The following APBA1 variants were observed in gnomAD, a reference collection of about 807,000 sequenced individuals.
The protein encoded by APBA1 is amyloid-beta A4 precursor protein-binding family A member 1.
Under a neutral mutation model 86.6 loss-of-function variants are expected in APBA1, and 55 were observed. The ratio of observed to expected loss-of-function variants is 0.64; its 90% confidence interval spans 0.51 to 0.80. The LOEUF (loss-of-function observed/expected upper bound fraction) is 0.80, where lower values mean the gene tolerates loss of function less well. APBA1 is among the 30% of genes least tolerant of loss of function. APBA1 has a pLI of 0.00. For missense variants in APBA1, 1,090 were observed against 1,183.0 expected, an observed-to-expected ratio of 0.92 and a Z score of 1.15; for synonymous variants, 511 against 493.9, an observed-to-expected ratio of 1.03 and a Z score of -0.46.
At chr9:69,643,543 T>G (rs955647571) in intron 1 of APBA1, among the ~76,000 whole-genome samples, 3 of 152,224 alleles carry the variant, frequency 2.0e-5, no homozygotes, top group Non-Finnish European at 4.4e-5. Context: ...TTTTCCTCTA[T>G]GTCTGCCTCA....
At chr9:69,619,849 C>G (rs1431804409) in intron 1 of APBA1, among the ~76,000 whole-genome samples, 2 of 152,214 alleles carry the variant, frequency 1.3e-5, no homozygotes, top group African/African-American at 4.8e-5. Flanking sequence ...GATGCACATA[C>G]ACACACATTA....
chr9:69,591,961 T>C lies in APBA1; in HGVS notation c.-69-74682A>G, dbSNP rs568229552. 2.6e-5 allele frequency among the ~76,000 whole-genome samples: 4 copies of C among 152,290 alleles called. No individual in the cohort carries two copies. In the East Asian group the frequency reaches 7.7e-4, roughly 29 times the overall value. On this transcript the variant is annotated intron_variant, in intron 1 of 12. Transcript: ENST00000265381. ...AAGTCTGTTTTCTCCCCTAAATATA[T>C]CTATCCAACATCAACAAACCAGGTC...
Position 69,516,762 on chromosome 9 carries a change from A to G in APBA1, c.449T>C (p.Leu150Pro). The stretch of plus-strand genomic sequence containing the variant: ...CTCGTGCTCCAGCGAGTGGAAGTGC[A>G]GGTGGTTGGGCAGCGCGCGGCGGTG... The part of the protein sequence containing the change: ...ATHRRALPNH[L>P]HFHSLEHEEA... Residue 150 changes from leucine (L) to proline (P), a missense_variant, in exon 2 of 13, where the codon CTG becomes CCG. By Grantham distance (98) the Leu-to-Pro change is moderately conservative. This residue lies in a region of APBA1 where 678 missense variants were observed against 647.1 expected (regional missense o/e 1.05). Coordinates refer to ENST00000265381, the MANE Select transcript of APBA1 (RefSeq NM_001163.4). This position sits in a 1 kb window ranked among gnomAD's most constrained non-coding sequence, Gnocchi z 7.3. The G allele has an allele frequency of 6.2e-7, 1 of 1,611,874 alleles. No homozygotes were observed. Among genetic ancestry groups the G allele is most frequent in the Non-Finnish European group, 8.5e-7 (1 of 1,179,484 alleles).
At chr9:69,486,755 C>G (rs941799846) in intron 2 of APBA1, among the ~76,000 whole-genome samples, 1 of 151,968 alleles carries the variant, frequency 6.6e-6, no homozygotes, top group South Asian at 2.1e-4. Context: ...GGCTGCGGAG[C>G]CGGGCTGGGA....
chr9:69,525,525 G>A (rs1286261535), intron 1 of APBA1, among the ~76,000 whole-genome samples: 1 of 150,466 alleles, frequency 6.6e-6, no homozygotes, highest in Non-Finnish European at 1.5e-5. Context: ...ATACATCTAA[G>A]CAAAGAGAAT....
intron 10 of APBA1, among the ~76,000 whole-genome samples, chr9:69,442,714 T>G (rs1324161188): frequency 1.3e-5 from 2 of 152,246 alleles, no homozygotes; most frequent in African/African-American, 2.4e-5. Context: ...ATCGTCTGCC[T>G]CTTATTCTAT....
chr9:69,634,680 C>A (rs1823120738), intron 1 of APBA1, among the ~76,000 whole-genome samples: 2 of 152,066 alleles, frequency 1.3e-5, no homozygotes, highest in South Asian at 2.1e-4. Flanking sequence ...ATATAATAAT[C>A]AAACTCCCAA....
Position 69,466,509 on chromosome 9 carries a change from C to T in APBA1, c.1482+1314G>A, listed in dbSNP as rs547624533. On this transcript the variant is annotated intron_variant, in intron 5 of 12. Transcript: ENST00000265381. The stretch of plus-strand genomic sequence containing the variant: ...GGTCAGAGGTGTTCGCATCTGCAGG[C>T]TTCCCCTGCACTCTGGTGGCACTCG... Among the ~76,000 whole-genome samples, 64 of 152,338 alleles carry T rather than the reference C, an allele frequency of 4.2e-4. No individual in the cohort carries two copies. In the South Asian group the frequency reaches 0.012, roughly 28 times the overall value.
intron 2 of APBA1, among the ~76,000 whole-genome samples, chr9:69,511,099 G>A (rs1199137490): frequency 6.6e-6 from 1 of 151,982 alleles, no homozygotes; most frequent in African/African-American, 2.4e-5. Flanking sequence ...AAGAGCTTCT[G>A]CACAGCAAAA....
intron 1 of APBA1, among the ~76,000 whole-genome samples, chr9:69,629,166 A>C (rs143424687): frequency 6.6e-6 from 1 of 152,260 alleles, no homozygotes; most frequent in East Asian, 1.9e-4. Context: ...ATATCCAATA[A>C]ATGTTCAGGA....
At chr9:69,594,194 A>G (rs1246943132) in intron 1 of APBA1, among the ~76,000 whole-genome samples, 1 of 152,088 alleles carries the variant, frequency 6.6e-6, no homozygotes, top group East Asian at 1.9e-4. Flanking sequence ...GCAGCAACAG[A>G]CAAGAGCCAT....
At chr9:69,542,728 G>T (rs1251024073) in intron 1 of APBA1, among the ~76,000 whole-genome samples, 1 of 152,166 alleles carries the variant, frequency 6.6e-6, no homozygotes. Context: ...CAAAATTATA[G>T]AATTTTAATT....
At position 69,658,240 on chromosome 9, in the gene APBA1, C is replaced by CT. The variant is rs1366029678; in HGVS notation, c.-70+13912dup. Among the ~76,000 whole-genome samples the CT allele has an allele frequency of 2.5e-3, 48 of 19,066 alleles. 2 individuals are homozygous for CT. The Admixed American group carries it at 0.038, about 15-fold the overall frequency. 12.5% of individuals were successfully genotyped at this position (19,066 alleles called of 152,430 possible). A position where few individuals can be genotyped will look rare whatever the true frequency, so the allele number is the denominator to read the frequency against. On this transcript the variant is annotated intron_variant, in intron 1 of 12. Transcript: ENST00000265381. The stretch of plus-strand genomic sequence containing the variant: ...CCTTTCTCTCTTTCTTTCTTTCTTT[C>CT]TTTCTTTCTTTCTTTCTTTCTTTCT...
In APBA1 at chr9:69,428,707, T is replaced by G. The variant is rs963807749; in HGVS notation, c.*2620A>C. ...GAAGACCACCACTTCTCTTGGGACT[T>G]TCAAAAAATCTAGCGACTTGCTTTT... On this transcript the variant is annotated 3_prime_UTR_variant, in exon 13 of 13. Coordinates refer to ENST00000265381, the MANE Select transcript of APBA1 (RefSeq NM_001163.4). 2 of 152,222 alleles carry G rather than the reference T, an allele frequency of 1.3e-5. No homozygotes were observed. Among genetic ancestry groups the G allele is most frequent in the African/African-American group, 4.8e-5 (2 of 41,448 alleles). The allele number at this position is 152,222 out of a possible 1,614,324, so 9.4% of individuals were successfully genotyped here. A position where few individuals can be genotyped will look rare whatever the true frequency, so the allele number is the denominator to read the frequency against.
chr9:69,625,466 C>A (rs1822908788), intron 1 of APBA1, among the ~76,000 whole-genome samples: 1 of 152,146 alleles, frequency 6.6e-6, no homozygotes, highest in Non-Finnish European at 1.5e-5. Flanking sequence ...CTGAGCATTG[C>A]AGCATCCCTT....
At chr9:69,526,749 T>C (rs981889879) in intron 1 of APBA1, among the ~76,000 whole-genome samples, 1 of 152,094 alleles carries the variant, frequency 6.6e-6, no homozygotes, top group African/African-American at 2.4e-5. Context: ...AATATTGTTC[T>C]ACCAAAAAGG....
At chr9:69,658,720 C>T (rs991631697) in intron 1 of APBA1, among the ~76,000 whole-genome samples, 6 of 152,028 alleles carry the variant, frequency 3.9e-5, no homozygotes, top group African/African-American at 1.2e-4. Flanking sequence ...TCCCTACTTT[C>T]AATGTGCTTT....
At chr9:69,599,163 A>G (rs528470251) in intron 1 of APBA1, among the ~76,000 whole-genome samples, 1 of 152,362 alleles carries the variant, frequency 6.6e-6, no homozygotes, top group South Asian at 2.1e-4. Context: ...CTGCACGACA[A>G]TGTGAGCTGT....
chr9:69,434,711 TAAAA>T (rs61262615), intron 11 of APBA1, among the ~76,000 whole-genome samples: 1 of 133,926 alleles, frequency 7.5e-6, no homozygotes, highest in Non-Finnish European at 1.6e-5. Flanking sequence ...CATCTCAATT[TAAAA>T]AAAAAAAAAA....
Sources: gnomAD v4.1 joint callset for allele counts (sites outside exome capture counted in the v4.1 genomes callset) on GRCh38, gnomAD v4.1.1 for gene constraint, gnomAD v4.1.1 regional missense constraint, Gnocchi (gnomAD v3.1) non-coding constraint, MANE v1.5 for transcripts, NCBI Gene and HGNC (gene_info 2026-07-23, HGNC 2026-07-21) for gene names.